HERC4: variants seen among roughly 807,000 people sequenced by gnomAD.
HERC4 encodes the protein HECT and RLD domain containing E3 ubiquitin protein ligase 4.
In HERC4, 28 loss-of-function variants were observed where a neutral mutation model predicts 124.3. The observed-to-expected ratio is 0.23, with a 90% CI of 0.17 to 0.31. The LOEUF (loss-of-function observed/expected upper bound fraction) is 0.31. Ranked by LOEUF, HERC4 falls within the 10% of genes least tolerant of loss-of-function variation. The pLI, the probability that HERC4 is intolerant of heterozygous loss-of-function variation, is 1.00. For missense variants in HERC4, 713 were observed against 1,229.3 expected (o/e 0.58, Z 6.28); for synonymous variants, 407 against 421.5 (o/e 0.97, Z 0.42).
intron 9 of HERC4, among the ~76,000 whole-genome samples, chr10:68,000,557 C>A (rs992130862): frequency 2.0e-5 from 3 of 146,970 alleles, no homozygotes; most frequent in African/African-American, 7.5e-5. Context: ...CCAGCCTAGG[C>A]GACAGAGCCA....
At chr10:68,059,192 TA>T (rs2040704638) in intron 3 of HERC4, among the ~76,000 whole-genome samples, 2 of 151,868 alleles carry the variant, frequency 1.3e-5, no homozygotes, top group African/African-American at 4.8e-5. Flanking sequence ...TCTTTTTCCA[TA>T]TGAACTTGAG....
rs538663851 is a variant in HERC4, at chr10:68,064,275, C to T, written c.226+8608G>A. Among the ~76,000 whole-genome samples, 7 of 151,642 alleles carry T rather than the reference C, an allele frequency of 4.6e-5. No homozygotes were observed. The East Asian group carries it at 5.9e-4, about 13-fold the overall frequency. On this transcript the variant is annotated intron_variant, in intron 3 of 24. Coordinates refer to ENST00000373700, the MANE Select transcript of HERC4 (RefSeq NM_015601.4). ...AAATAATTAAAAGAAAGAAATAGGC[C>T]GGGTGCCGTGGCTCAGGCAGGTAAT...
intron 23 of HERC4, among the ~76,000 whole-genome samples, chr10:67,927,055 T>C (rs2131970370): frequency 6.6e-6 from 1 of 152,268 alleles, no homozygotes; most frequent in Non-Finnish European, 1.5e-5. Context: ...ATGATTTATC[T>C]TAATCACTGA....
At chr10:67,952,967 C>G (rs548727818) in intron 19 of HERC4, among the ~76,000 whole-genome samples, 33 of 152,006 alleles carry the variant, frequency 2.2e-4, no homozygotes, top group African/African-American at 7.5e-4. Context: ...ATGTACCCTT[C>G]ACTCAGTTTT....
intron 8 of HERC4, among the ~76,000 whole-genome samples, chr10:68,020,134 G>A (rs772188741): frequency 6.6e-6 from 1 of 152,128 alleles, no homozygotes; most frequent in Non-Finnish European, 1.5e-5. Context: ...TTATACCTCA[G>A]GGTGACTCCT....
chr10:67,960,408 G>A (rs1003630233), intron 16 of HERC4, among the ~76,000 whole-genome samples: 44 of 151,562 alleles, frequency 2.9e-4, no homozygotes, highest in Admixed American at 1.7e-3. Flanking sequence ...TTTTTGAGAC[G>A]GAGCTTCGAT....
intron 19 of HERC4, among the ~76,000 whole-genome samples, chr10:67,951,525 A>G (rs1281537493): frequency 6.6e-6 from 1 of 152,140 alleles, no homozygotes; most frequent in Non-Finnish European, 1.5e-5. Context: ...GGAACTCACA[A>G]TCTACCATTT....
intron 9 of HERC4, among the ~76,000 whole-genome samples, chr10:68,003,581 A>C (rs942797646): frequency 6.6e-6 from 1 of 151,960 alleles, no homozygotes; most frequent in Admixed American, 6.6e-5. Flanking sequence ...CAACTGTTTC[A>C]ATTTCTAGCT....
At chr10:67,936,131 G>C in intron 22 of HERC4, 22 bp downstream of exon 22, 1 of 1,502,630 alleles carries the variant, frequency 6.7e-7, no homozygotes, top group Non-Finnish European at 9.1e-7. Flanking sequence ...TACTCCCACT[G>C]TTGCTGCTAA....
chr10:67,988,687 T>C lies in HERC4; in HGVS notation c.1782A>G (p.Leu594=). ...CCCTATGTAGTATTTCTAAAACCTTTAATGCAGTATGAAGAAAACTGTTGA... is the reference window on the plus strand; with the variant it reads ...CCCTATGTAGTATTTCTAAAACCTTCAATGCAGTATGAAGAAAACTGTTGA... The part of the protein sequence containing the change: ...RIFNSFLHTA[L]KVLEILHRVN... Residue 594 remains leucine, a synonymous_variant, in exon 15 of 25, where the codon TTA becomes TTG. Coordinates refer to ENST00000373700, the MANE Select transcript of HERC4 (RefSeq NM_015601.4). 1.9e-6 allele frequency: 3 copies of C among 1,587,082 alleles called. No homozygotes were observed. The South Asian group carries it at 3.5e-5, about 18-fold the overall frequency.
At chr10:68,039,747 T>C in intron 4 of HERC4, 6 of 1,268,028 alleles carry the variant, frequency 4.7e-6, no homozygotes, top group Middle Eastern at 3.2e-4. Flanking sequence ...AAAAAATACA[T>C]GAACATACCC....
chr10:68,003,167 T>G, intron 9 of HERC4, among the ~76,000 whole-genome samples: 1 of 151,950 alleles, frequency 6.6e-6, no homozygotes, highest in Non-Finnish European at 1.5e-5. Context: ...TTATACTTTT[T>G]TTTTTTTGAG....
At chr10:68,058,158 C>A (rs527759452) in intron 3 of HERC4, among the ~76,000 whole-genome samples, 2 of 152,102 alleles carry the variant, frequency 1.3e-5, no homozygotes, top group Admixed American at 1.3e-4. Context: ...GTAAAGGAAT[C>A]CAATCCATTT....
rs1484820249 is a variant in HERC4 at position 67,936,145 on chromosome 10, TC to T, written c.2654+7del. 1 of 1,560,632 alleles carries T rather than the reference TC, an allele frequency of 6.4e-7. No individual in the cohort carries two copies. Among genetic ancestry groups the T allele is most frequent in the Admixed American group, 2.0e-5 (1 of 50,488 alleles). ...TTACTCCCACTGTTGCTGCTAAAAT[TC>T]ACTTACCGATTTTGTTTGTTAACAG... On this transcript the variant is annotated splice_region_variant and intron_variant, in intron 22 of 24. Coordinates refer to ENST00000373700, the MANE Select transcript of HERC4 (RefSeq NM_015601.4).
At chr10:68,023,245 T>A (rs368186971) in intron 8 of HERC4, among the ~76,000 whole-genome samples, 4 of 152,186 alleles carry the variant, frequency 2.6e-5, no homozygotes, top group South Asian at 2.1e-4. Flanking sequence ...TATATTCATG[T>A]TCATAGCAAC....
chr10:67,954,732 A>C lies in HERC4; in HGVS notation c.2200T>G (p.Phe734Val). Residue 734 changes from phenylalanine to valine, a missense_variant, in exon 19 of 25, where the codon TTT (phenylalanine) becomes GTT (valine). Physicochemically the swap from Phe to Val is conservative, Grantham distance 50. Transcript: ENST00000373700. ...GCATCCACAGCATCTTCTCCAACAA[A>C]TATAACCTAAAATAGCACAATGCAA... ...IDYKKPLKVI[F>V]VGEDAVDAGG... The C allele has an allele frequency of 1.2e-6, 2 of 1,613,070 alleles. No homozygotes were observed. Among genetic ancestry groups the C allele is most frequent in the East Asian group, 2.2e-5 (1 of 44,834 alleles).
At chr10:67,976,211 G>A (rs1348120309) in intron 15 of HERC4, among the ~76,000 whole-genome samples, 3 of 152,030 alleles carry the variant, frequency 2.0e-5, no homozygotes, top group Admixed American at 6.6e-5. Flanking sequence ...GGAGTCTTTA[G>A]TATTGTGCTT....
In HERC4 at chr10:68,059,862, T is replaced by TA. The variant is rs1564610057; in HGVS notation, c.226+13020_226+13021insT. ...TTATAATATATTATATATCATAATA[T>TA]TATATATTATAATAATATTATATAT... On this transcript the variant is annotated intron_variant, in intron 3 of 24. Transcript: ENST00000373700. Among the ~76,000 whole-genome samples, 26 of 75,534 alleles carry TA rather than the reference T, an allele frequency of 3.4e-4. 6 individuals are homozygous for TA. The highest frequency in any genetic ancestry group is 1.6e-3 in the African/African-American group (25 of 15,246). 49.6% of individuals were successfully genotyped at this position (75,534 alleles called of 152,430 possible).
At chr10:68,050,088 G>C (rs1326611928) in intron 3 of HERC4, among the ~76,000 whole-genome samples, 1 of 152,096 alleles carries the variant, frequency 6.6e-6, no homozygotes, top group Non-Finnish European at 1.5e-5. Flanking sequence ...AGCTACTCAG[G>C]AGGCTGAGGT....
Sources: gnomAD v4.1 joint callset for allele counts (sites outside exome capture counted in the v4.1 genomes callset) on GRCh38, gnomAD v4.1.1 for gene constraint, MANE v1.5 for transcripts, NCBI Gene and HGNC (gene_info 2026-07-23, HGNC 2026-07-21) for gene names.